Variants in REDIC1 observed in about 807,000 individuals in gnomAD.
REDIC1 encodes HEI10 Interacting Protein 1.
chr12:39,860,516 T>G, the REDIC1 span, among the ~76,000 whole-genome samples: 1,438 of 152,236 alleles, frequency 9.4e-3, 19 homozygotes, highest in African/African-American at 0.032. Flanking sequence ...TACGGGCCAG[T>G]TTTCCCAAAT....
chr12:39,837,219 G>A, the REDIC1 span, among the ~76,000 whole-genome samples: 1 of 150,874 alleles, frequency 6.6e-6, no homozygotes, highest in South Asian at 2.1e-4. Context: ...TGAGAAAGCT[G>A]AGAAAAACAA....
At chr12:39,758,636 C>T in the REDIC1 span, 149,030 of 152,098 alleles carry the variant, frequency 0.98, 73,023 homozygotes, top group East Asian at 1. Flanking sequence ...CAATGAATAC[C>T]TTGGAAAGAC....
At chr12:39,899,531 T>C in the REDIC1 span, among the ~76,000 whole-genome samples, 1 of 152,176 alleles carries the variant, frequency 6.6e-6, no homozygotes, top group African/African-American at 2.4e-5. Context: ...AGCTTTTGAA[T>C]GTGTTTGCTC....
At chr12:39,660,792 C>T in the REDIC1 span, among the ~76,000 whole-genome samples, 2 of 152,040 alleles carry the variant, frequency 1.3e-5, no homozygotes, top group Non-Finnish European at 2.9e-5. Context: ...TTAAACCTCC[C>T]TTCACAGCCC....
chr12:39,650,272 T>C, the REDIC1 span: 1 of 1,611,456 alleles, frequency 6.2e-7, no homozygotes, highest in Non-Finnish European at 8.5e-7. This position sits in a 1 kb window ranked among gnomAD's most constrained non-coding sequence, Gnocchi z 4.3. Context: ...TTCCTTGCTT[T>C]CCAAATTAAA....
chr12:39,710,334 T>C, the REDIC1 span, among the ~76,000 whole-genome samples: 1 of 151,884 alleles, frequency 6.6e-6, no homozygotes, highest in African/African-American at 2.4e-5. Context: ...TAAATGTACA[T>C]ACAGGCAAAA....
At chr12:39,740,355 G>A in the REDIC1 span, among the ~76,000 whole-genome samples, 1 of 152,096 alleles carries the variant, frequency 6.6e-6, no homozygotes, top group Admixed American at 6.6e-5. Context: ...TTTTTAGCAA[G>A]CCAATCTTCT....
the REDIC1 span, among the ~76,000 whole-genome samples, chr12:39,708,896 A>G: frequency 6.6e-6 from 1 of 151,870 alleles, no homozygotes; most frequent in African/African-American, 2.4e-5. Flanking sequence ...CTTAAGTCCA[A>G]AAGAAAAGTT....
chr12:39,706,602 C>G, the REDIC1 span, among the ~76,000 whole-genome samples: 2,474 of 151,652 alleles, frequency 0.016, 65 homozygotes, highest in African/African-American at 0.054. Context: ...GTATAGTAAC[C>G]AAAACAGCAT....
At chr12:39,697,575 G>T in the REDIC1 span, among the ~76,000 whole-genome samples, 1 of 152,086 alleles carries the variant, frequency 6.6e-6, no homozygotes, top group African/African-American at 2.4e-5. Context: ...GAGTATAAAA[G>T]ATATATATAG....
the REDIC1 span, among the ~76,000 whole-genome samples, chr12:39,820,624 G>C: frequency 1.3e-5 from 2 of 151,254 alleles, no homozygotes; most frequent in East Asian, 3.9e-4. Context: ...ATGCTGTCCA[G>C]CAAAAAACCT....
At chr12:39,711,238 T>C in the REDIC1 span, among the ~76,000 whole-genome samples, 164 of 150,574 alleles carry the variant, frequency 1.1e-3, 4 homozygotes, top group East Asian at 0.029. Context: ...CATATATATA[T>C]ATGTGATGTG....
At chr12:39,748,135 G>A in the REDIC1 span, among the ~76,000 whole-genome samples, 1 of 151,840 alleles carries the variant, frequency 6.6e-6, no homozygotes, top group African/African-American at 2.4e-5. Context: ...TGGCACATTG[G>A]ATAAAGAGTC....
chr12:39,827,083 G>A, the REDIC1 span, among the ~76,000 whole-genome samples: 1 of 151,514 alleles, frequency 6.6e-6, no homozygotes, highest in Non-Finnish European at 1.5e-5. Context: ...TTTACCAACA[G>A]TTGCTTCCCA....
chr12:39,896,206 A>G, the REDIC1 span, among the ~76,000 whole-genome samples: 11 of 148,174 alleles, frequency 7.4e-5, no homozygotes, highest in African/African-American at 2.5e-4. Flanking sequence ...GTATGTATAC[A>G]TGTATATACG....
At chr12:39,764,630 A>G in the REDIC1 span, 1 of 1,581,154 alleles carries the variant, frequency 6.3e-7, no homozygotes. Context: ...ATAAAACATT[A>G]AAAACTTTAG....
At chr12:39,669,759 C>A in the REDIC1 span, among the ~76,000 whole-genome samples, 2 of 152,210 alleles carry the variant, frequency 1.3e-5, no homozygotes, top group Non-Finnish European at 2.9e-5. Context: ...GTGGTGGGCG[C>A]CCCTCCCAGC....
At chr12:39,683,119 C>A in the REDIC1 span, 2 of 1,599,574 alleles carry the variant, frequency 1.3e-6, no homozygotes. Flanking sequence ...CGATTACTAC[C>A]CAAGCAGCTC....
the REDIC1 span, among the ~76,000 whole-genome samples, chr12:39,891,518 A>G: frequency 6.6e-6 from 1 of 151,988 alleles, no homozygotes; most frequent in Non-Finnish European, 1.5e-5. Context: ...ACTCAACTCT[A>G]TTGTTTCTTT....
Sources: allele counts gnomAD v4.1 joint callset (sites outside exome capture counted in the v4.1 genomes callset), GRCh38; gene constraint gnomAD v4.1.1; non-coding constraint Gnocchi (gnomAD v3.1); transcripts MANE v1.5; gene names NCBI Gene and HGNC (gene_info 2026-07-23, HGNC 2026-07-21).